G2E3: variants seen among roughly 807,000 people sequenced by gnomAD.
The protein encoded by G2E3 is G2/M-phase specific E3 ubiquitin protein ligase.
G2E3 carries 35 observed loss-of-function variants against 92.8 expected under a neutral mutation model. The ratio of observed to expected loss-of-function variants is 0.38; its 90% confidence interval spans 0.29 to 0.50. The LOEUF (loss-of-function observed/expected upper bound fraction) is 0.50. Ranked by LOEUF, G2E3 falls within the 20% of genes least tolerant of loss-of-function variation. G2E3 has a pLI of 0.94. For synonymous variants in G2E3, 242 were observed against 272.4 expected (o/e 0.89, Z 1.10); for missense variants, 554 against 823.8 (o/e 0.67, Z 4.01).
intron 2 of G2E3, among the ~76,000 whole-genome samples, chr14:30,586,207 A>G (rs1400089958): frequency 6.6e-6 from 1 of 152,196 alleles, no homozygotes; most frequent in East Asian, 1.9e-4. Context: ...TTTTTAAAGA[A>G]CAAGGTCCAT....
intron 10 of G2E3, among the ~76,000 whole-genome samples, chr14:30,605,161 G>T (rs1352048714): frequency 3.3e-5 from 5 of 152,304 alleles, no homozygotes; most frequent in South Asian, 4.1e-4. Flanking sequence ...CTCCCAAAGT[G>T]CTGGGATTAC....
At chr14:30,602,255 T>C in intron 10 of G2E3, 124 bp downstream of exon 10, 1 of 688,404 alleles carries the variant, frequency 1.5e-6, no homozygotes, top group South Asian at 2.1e-5. Context: ...TTTTCAGCCT[T>C]CAGGACCCAA....
In G2E3 at chr14:30,619,913, A is replaced by G. The variant is rs1205517475; in HGVS notation, c.*3379A>G. The G allele has an allele frequency of 6.6e-6, 1 of 152,226 alleles. No homozygotes were observed. Among genetic ancestry groups the G allele is most frequent in the Non-Finnish European group, 1.5e-5 (1 of 68,026 alleles). 9.4% of individuals were successfully genotyped at this position (152,226 alleles called of 1,614,324 possible). On this transcript the variant is annotated 3_prime_UTR_variant, in exon 15 of 15. Coordinates refer to ENST00000206595, the MANE Select transcript of G2E3 (RefSeq NM_017769.5). ...AGATTCTGACGAAACTGAAAGATAC[A>G]AGATTCCTTTACTCTCCACATTTGA...
intron 2 of G2E3, among the ~76,000 whole-genome samples, chr14:30,583,293 T>C (rs1377718381): frequency 6.6e-6 from 1 of 152,248 alleles, no homozygotes; most frequent in African/African-American, 2.4e-5. Context: ...TCTATGTATA[T>C]GTCATATCCT....
rs1882425628 is a variant in G2E3 at position 30,618,582 on chromosome 14, C to T, written c.*2048C>T. On this transcript the variant is annotated 3_prime_UTR_variant, in exon 15 of 15. Transcript: ENST00000206595. ...AATTAAAAACAGTATTTCAATTCCTCATTTGACTTATTTTATATATAGACA... is the reference window on the plus strand; with the variant it reads ...AATTAAAAACAGTATTTCAATTCCTTATTTGACTTATTTTATATATAGACA... The T allele has an allele frequency of 6.6e-6, 1 of 152,016 alleles. No individual in the cohort carries two copies. The highest frequency in any genetic ancestry group is 1.5e-5 in the Non-Finnish European group (1 of 67,930). The allele number at this position is 152,016 out of a possible 1,614,324, so 9.4% of individuals were successfully genotyped here.
chr14:30,569,851 T>A (rs1339802627), intron 1 of G2E3, among the ~76,000 whole-genome samples: 1 of 152,158 alleles, frequency 6.6e-6, no homozygotes, highest in Non-Finnish European at 1.5e-5. Flanking sequence ...ATTCCTGACA[T>A]TCCCCAAACA....
intron 12 of G2E3, among the ~76,000 whole-genome samples, chr14:30,610,353 C>T (rs1207395322): frequency 6.6e-6 from 1 of 152,174 alleles, no homozygotes; most frequent in African/African-American, 2.4e-5. Context: ...CAGTGGGTCA[C>T]GCCTGTAATC....
intron 8 of G2E3, among the ~76,000 whole-genome samples, chr14:30,599,582 G>A (rs1328184445): frequency 6.6e-6 from 1 of 152,076 alleles, no homozygotes; most frequent in African/African-American, 2.4e-5. Context: ...TGATGTACTA[G>A]GACTTAGGAT....
intron 8 of G2E3, among the ~76,000 whole-genome samples, chr14:30,598,840 C>A (rs947452004): frequency 1.3e-5 from 2 of 152,192 alleles, no homozygotes; most frequent in Non-Finnish European, 2.9e-5. Flanking sequence ...GCCACACTGT[C>A]CTATCTGGTG....
chr14:30,612,164 A>G (rs1175215771), intron 12 of G2E3, 43 bp from the exon 13 acceptor site: 9 of 1,421,078 alleles, frequency 6.3e-6, no homozygotes, highest in East Asian at 2.3e-5. Flanking sequence ...ATGTCACTCA[A>G]AAGTAAATGA....
rs1208917775 is a variant in G2E3 at position 30,597,600 on chromosome 14, C to T, written c.635+74C>T. ...GATTTAATAGCAATGGAAATGATCA[C>T]TTATGTCTGATTCAGTGAGCATGGA... On this transcript the variant is annotated intron_variant, in intron 7 of 14. Transcript: ENST00000206595. The T allele has an allele frequency of 2.6e-5, 22 of 842,736 alleles. No homozygotes were observed. The East Asian group carries it at 4.9e-4, about 19-fold the overall frequency. The allele number at this position is 842,736 out of a possible 1,614,324, so 52.2% of individuals were successfully genotyped here.
At chr14:30,564,482 G>A (rs1382080137) in intron 1 of G2E3, among the ~76,000 whole-genome samples, 2 of 152,042 alleles carry the variant, frequency 1.3e-5, no homozygotes, top group East Asian at 3.9e-4. Flanking sequence ...ACAGGCATTT[G>A]CCACCAAGAC....
chr14:30,574,651 C>G (rs1318142834), intron 1 of G2E3: 1 of 152,186 alleles, frequency 6.6e-6, no homozygotes, highest in Admixed American at 6.5e-5. Context: ...ATTTAGCTCC[C>G]ACTTACAAGT....
chr14:30,576,728 G>A (rs2138803937), intron 1 of G2E3, among the ~76,000 whole-genome samples: 1 of 152,272 alleles, frequency 6.6e-6, no homozygotes, highest in South Asian at 2.1e-4. Flanking sequence ...AAGGAATTTA[G>A]AGTACATCGA....
chr14:30,597,604 T>C (rs1794387680), intron 7 of G2E3, 78 bp downstream of exon 7: 2 of 832,432 alleles, frequency 2.4e-6, no homozygotes, highest in Non-Finnish European at 4.1e-6. Context: ...TGATCACTTA[T>C]GTCTGATTCA....
Position 30,604,958 on chromosome 14 carries a change from G to A in G2E3, c.1011-547G>A, listed in dbSNP as rs998703778. Reference sequence around the variant, plus strand: ...GTTGCCCAGGCTGGAGTGCAATGGCGTGATCTTGGCTCAACGCAACCTCTG... The same window carrying A: ...GTTGCCCAGGCTGGAGTGCAATGGCATGATCTTGGCTCAACGCAACCTCTG... On this transcript the variant is annotated intron_variant, in intron 10 of 14. Transcript: ENST00000206595. Among the ~76,000 whole-genome samples, 6 of 152,060 alleles carry A rather than the reference G, an allele frequency of 3.9e-5. No homozygotes were observed. In the South Asian group the frequency reaches 8.3e-4, roughly 21 times the overall value.
chr14:30,597,666 TCC>T (rs1881355139), intron 7 of G2E3, 140 bp downstream of exon 7: 1 of 614,096 alleles, frequency 1.6e-6, no homozygotes. Flanking sequence ...AACCTTCTCC[TCC>T]CCCACATGGC....
At chr14:30,603,302 G>C (rs2060936415) in intron 10 of G2E3, among the ~76,000 whole-genome samples, 2 of 149,950 alleles carry the variant, frequency 1.3e-5, no homozygotes, top group African/African-American at 2.5e-5. Context: ...CTCCAGCCTG[G>C]TGACAGAGCC....
At chr14:30,566,028 C>A (rs994339803) in intron 1 of G2E3, among the ~76,000 whole-genome samples, 1 of 152,052 alleles carries the variant, frequency 6.6e-6, no homozygotes, top group Admixed American at 6.6e-5. Flanking sequence ...TGTTTTCTTC[C>A]CATTTAATGG....
Sources: allele counts gnomAD v4.1 joint callset (sites outside exome capture counted in the v4.1 genomes callset), GRCh38; gene constraint gnomAD v4.1.1; transcripts MANE v1.5; gene names NCBI Gene and HGNC (gene_info 2026-07-23, HGNC 2026-07-21).